The following MIPOL1 variants were observed in gnomAD, a reference collection of about 807,000 sequenced individuals.
MIPOL1 encodes the protein mirror-image polydactyly 1.
Under a neutral mutation model 60.9 loss-of-function variants are expected in MIPOL1, and 57 were observed. The observed-to-expected ratio is 0.94, with a 90% confidence interval of 0.76 to 1.17. MIPOL1 has a LOEUF of 1.17. Ranked by LOEUF, MIPOL1 falls within the 50% of genes most tolerant of loss-of-function variation. The pLI, the probability that MIPOL1 is intolerant of heterozygous loss-of-function variation, is 0.00. For missense variants in MIPOL1, 551 were observed against 511.6 expected (o/e 1.08, Z -0.74); for synonymous variants, 179 against 168.8 (o/e 1.06, Z -0.47).
At chr14:37,490,839 C>T (rs1249235317) in intron 11 of MIPOL1, among the ~76,000 whole-genome samples, 1 of 152,192 alleles carries the variant, frequency 6.6e-6, no homozygotes, top group African/African-American at 2.4e-5. Flanking sequence ...ATGCAGAAAT[C>T]ACCTGCCTTC....
intron 11 of MIPOL1, among the ~76,000 whole-genome samples, chr14:37,493,665 T>TA (rs1480152596): frequency 6.6e-6 from 1 of 152,172 alleles, no homozygotes; most frequent in East Asian, 1.9e-4. Context: ...CACTAAATTA[T>TA]AAAACTTAAA....
At chr14:37,366,711 C>G (rs150875065) in intron 9 of MIPOL1, among the ~76,000 whole-genome samples, 203 of 151,978 alleles carry the variant, frequency 1.3e-3, no homozygotes, top group African/African-American at 4.5e-3. Flanking sequence ...TGTTGATTTT[C>G]TTTATGGAAA....
intron 11 of MIPOL1, among the ~76,000 whole-genome samples, chr14:37,479,844 G>A: frequency 6.6e-6 from 1 of 152,126 alleles, no homozygotes; most frequent in East Asian, 1.9e-4. Context: ...AATCAGAAAT[G>A]AAAGAGGAGA....
At chr14:37,232,005 C>A (rs951433081) in intron 1 of MIPOL1, among the ~76,000 whole-genome samples, 4 of 151,914 alleles carry the variant, frequency 2.6e-5, no homozygotes, top group Non-Finnish European at 5.9e-5. Context: ...TCACTTGAGC[C>A]CAGGAATTTG....
intron 7 of MIPOL1, among the ~76,000 whole-genome samples, chr14:37,297,303 C>T (rs1358996003): frequency 6.6e-6 from 1 of 152,130 alleles, no homozygotes; most frequent in Non-Finnish European, 1.5e-5. Context: ...TGGGATGTAT[C>T]TCAAAATAAT....
chr14:37,413,404 C>T (rs2093711233), intron 10 of MIPOL1, among the ~76,000 whole-genome samples: 1 of 152,082 alleles, frequency 6.6e-6, no homozygotes, highest in African/African-American at 2.4e-5. Context: ...CTTGTGGCCC[C>T]CTTTCATCTT....
At chr14:37,433,644 C>T (rs183637666) in intron 11 of MIPOL1, among the ~76,000 whole-genome samples, 9 of 152,256 alleles carry the variant, frequency 5.9e-5, no homozygotes, top group African/African-American at 1.4e-4. Flanking sequence ...CAACCTCTGC[C>T]TCCCAGGTTC....
intron 3 of MIPOL1, among the ~76,000 whole-genome samples, chr14:37,256,663 G>A (rs1974966886): frequency 6.6e-6 from 1 of 151,544 alleles, no homozygotes; most frequent in African/African-American, 2.4e-5. Context: ...ATTAGGACAA[G>A]GCTGCACTAG....
chr14:37,292,778 G>A (rs763955555), intron 7 of MIPOL1, among the ~76,000 whole-genome samples: 5 of 152,098 alleles, frequency 3.3e-5, no homozygotes, highest in Non-Finnish European at 5.9e-5. Flanking sequence ...ACCATGCCCA[G>A]CCTAATAAAC....
rs947236038 is a variant in MIPOL1 at position 37,545,712 on chromosome 14, A to T, written c.1263-1193A>T. On this transcript the variant is annotated intron_variant, in intron 12 of 12. Transcript: ENST00000684589. ...ATCCAATAAACTTCAGCTAGTTTTC[A>T]GCATTATATGCAGTTGATTTGTCCA... The T allele has an allele frequency of 4.6e-6, 3 of 652,292 alleles. No homozygotes were observed. The East Asian group carries it at 8.6e-5, about 19-fold the overall frequency. 40.4% of individuals were successfully genotyped at this position (652,292 alleles called of 1,614,324 possible).
intron 11 of MIPOL1, among the ~76,000 whole-genome samples, chr14:37,465,268 T>G (rs1260650498): frequency 1.3e-5 from 2 of 152,142 alleles, no homozygotes; most frequent in Non-Finnish European, 2.9e-5. Flanking sequence ...TCTTTCAAAG[T>G]GATACAATAC....
chr14:37,511,765 TG>T (rs1338883608), intron 12 of MIPOL1, among the ~76,000 whole-genome samples: 1 of 152,186 alleles, frequency 6.6e-6, no homozygotes, highest in Non-Finnish European at 1.5e-5. Flanking sequence ...CTTAAAGATC[TG>T]GGTTTTACAC....
intron 9 of MIPOL1, among the ~76,000 whole-genome samples, chr14:37,317,595 A>G (rs8006335): frequency 6.6e-6 from 1 of 152,020 alleles, no homozygotes; most frequent in Admixed American, 6.6e-5. Flanking sequence ...GATGAGGCAC[A>G]TAGAAAGAAA....
chr14:37,298,458 A>C (rs907811812), intron 7 of MIPOL1, among the ~76,000 whole-genome samples: 1 of 152,228 alleles, frequency 6.6e-6, no homozygotes, highest in Non-Finnish European at 1.5e-5. Context: ...AATGGGATCT[A>C]ATTAAATGAA....
intron 9 of MIPOL1, among the ~76,000 whole-genome samples, chr14:37,330,271 A>G (rs936525868): frequency 3.3e-5 from 5 of 152,112 alleles, no homozygotes; most frequent in African/African-American, 1.2e-4. Flanking sequence ...TTGAATTTTT[A>G]CATTTATTAT....
intron 12 of MIPOL1, among the ~76,000 whole-genome samples, chr14:37,519,356 G>A (rs895606069): frequency 8.6e-5 from 13 of 152,038 alleles, no homozygotes; most frequent in African/African-American, 2.9e-4. Flanking sequence ...GTAAGTGATG[G>A]CAGATAGACC....
chr14:37,551,549 G>C (rs979813787), downstream of MIPOL1: 1 of 151,926 alleles, frequency 6.6e-6, no homozygotes, highest in Non-Finnish European at 1.5e-5. Context: ...TGGTTAGAAA[G>C]AACATAAGAA....
intron 9 of MIPOL1, among the ~76,000 whole-genome samples, chr14:37,309,380 C>T (rs527831032): frequency 4.6e-5 from 7 of 152,042 alleles, no homozygotes; most frequent in African/African-American, 1.7e-4. Context: ...GTCGTGTACA[C>T]ACTTCTATGT....
chr14:37,495,292 C>G (rs867387591), intron 11 of MIPOL1, among the ~76,000 whole-genome samples: 2 of 118,088 alleles, frequency 1.7e-5, no homozygotes, highest in Admixed American at 1.9e-4. Flanking sequence ...CCCCCCACCC[C>G]ACCACAGTCC....
Sources: allele counts gnomAD v4.1 joint callset (sites outside exome capture counted in the v4.1 genomes callset), GRCh38; gene constraint gnomAD v4.1.1; transcripts MANE v1.5; gene names NCBI Gene and HGNC (gene_info 2026-07-23, HGNC 2026-07-21).